Variants in SLC35F1 observed in about 807,000 individuals in gnomAD.
The protein encoded by SLC35F1 is chromosome 6 open reading frame 169.
SLC35F1 carries 14 observed loss-of-function variants against 48.7 expected under a neutral mutation model. The ratio of observed to expected loss-of-function variants is 0.29; its 90% CI spans 0.19 to 0.45. SLC35F1 has a LOEUF of 0.45. SLC35F1 is among the 20% of genes least tolerant of loss of function. The pLI, the probability that SLC35F1 is intolerant of heterozygous loss-of-function variation, is 1.00. For synonymous variants in SLC35F1, 190 were observed against 202.2 expected (o/e 0.94, Z 0.51); for missense variants, 404 against 500.0 (o/e 0.81, Z 1.83).
At chr6:118,135,091 A>T (rs528384268) in intron 1 of SLC35F1, among the ~76,000 whole-genome samples, 1 of 152,314 alleles carries the variant, frequency 6.6e-6, no homozygotes, top group African/African-American at 2.4e-5. Flanking sequence ...CCTCTTTGTT[A>T]TGATCTATAC....
At chr6:118,269,011 G>A (rs72965657) in intron 4 of SLC35F1, among the ~76,000 whole-genome samples, 5,673 of 152,158 alleles carry the variant, frequency 0.037, 145 homozygotes, top group Middle Eastern at 0.13. Context: ...CTATCTTCAT[G>A]AACCCCAGCC....
Position 117,907,694 on chromosome 6 carries a change from T to C in SLC35F1, c.-33T>C, listed in dbSNP as rs773203630. ...CGGCACACGATGCACCCGGCTGCGT[T>C]CTGATCGCCGCCGCGCCTCAGCCTC... On this transcript the variant is annotated 5_prime_UTR_variant, in exon 1 of 8. Coordinates refer to ENST00000360388, the MANE Select transcript of SLC35F1 (RefSeq NM_001029858.4). 6.5e-6 allele frequency: 9 copies of C among 1,384,638 alleles called. No individual in the cohort carries two copies. Among genetic ancestry groups the C allele is most frequent in the Non-Finnish European group, 8.8e-6 (9 of 1,026,110 alleles). 85.8% of individuals were successfully genotyped at this position (1,384,638 alleles called of 1,614,324 possible). A position where few individuals can be genotyped will look rare whatever the true frequency, so the allele number is the denominator to read the frequency against.
chr6:118,204,114 C>A (rs1055929843), intron 2 of SLC35F1, among the ~76,000 whole-genome samples: 3 of 151,014 alleles, frequency 2.0e-5, no homozygotes, highest in Non-Finnish European at 4.4e-5. Flanking sequence ...TGAGATGAGA[C>A]CCAAGACATA....
chr6:118,205,951 A>C (rs1774930530), intron 2 of SLC35F1, among the ~76,000 whole-genome samples: 2 of 152,202 alleles, frequency 1.3e-5, no homozygotes, highest in Admixed American at 6.5e-5. Flanking sequence ...GCAGAGACAG[A>C]AAGTAGAAGA....
chr6:118,040,306 G>A (rs1328768838), intron 1 of SLC35F1, among the ~76,000 whole-genome samples: 1 of 152,116 alleles, frequency 6.6e-6, no homozygotes, highest in East Asian at 1.9e-4. Flanking sequence ...ATATAACTGG[G>A]AAACTAATCC....
At chr6:118,003,858 C>G (rs916396222) in intron 1 of SLC35F1, among the ~76,000 whole-genome samples, 2 of 152,046 alleles carry the variant, frequency 1.3e-5, no homozygotes. Context: ...AAAAAGAAAG[C>G]AGAGTTACTG....
At chr6:118,313,962 T>C (rs1776400547) in intron 7 of SLC35F1, 66 bp from the exon 8 acceptor site, 15 of 1,444,598 alleles carry the variant, frequency 1.0e-5, no homozygotes, top group Non-Finnish European at 1.5e-5. Context: ...TGTTTCTGTG[T>C]GCCTCATTAA....
rs572033556 is a variant in SLC35F1, at chr6:117,973,194, T to G, written c.173+65295T>G. Among the ~76,000 whole-genome samples the G allele has an allele frequency of 1.4e-3, 212 of 152,278 alleles. 1 individual carries two copies. The highest frequency in any genetic ancestry group is 4.9e-3 in the African/African-American group (205 of 41,556). On this transcript the variant is annotated intron_variant, in intron 1 of 7. Coordinates refer to ENST00000360388, the MANE Select transcript of SLC35F1 (RefSeq NM_001029858.4). ...CCTTCTTGCTGTGCTTTCACATGGC[T>G]TTTTCTCTGTACCTATGTGTCCCTA...
chr6:118,248,431 G>A (rs936180992), intron 3 of SLC35F1, among the ~76,000 whole-genome samples: 4 of 152,210 alleles, frequency 2.6e-5, no homozygotes, highest in Non-Finnish European at 4.4e-5. Context: ...TTATGTGGGT[G>A]ACCTCAATGT....
At chr6:118,109,865 C>T (rs1287885777) in intron 1 of SLC35F1, among the ~76,000 whole-genome samples, 2 of 152,174 alleles carry the variant, frequency 1.3e-5, no homozygotes, top group African/African-American at 2.4e-5. Context: ...TTATGGCCAG[C>T]ACTTACCTGT....
chr6:118,192,673 C>T (rs1397979448), intron 2 of SLC35F1, among the ~76,000 whole-genome samples: 1 of 152,086 alleles, frequency 6.6e-6, no homozygotes, highest in Non-Finnish European at 1.5e-5. Context: ...TTTTAGAAAT[C>T]CCATACAATT....
intron 4 of SLC35F1, among the ~76,000 whole-genome samples, chr6:118,270,270 A>G (rs1322084267): frequency 6.6e-6 from 1 of 152,184 alleles, no homozygotes; most frequent in East Asian, 1.9e-4. Context: ...CTATCCAGAA[A>G]TTCTTTGTTT....
chr6:118,017,215 A>C (rs1027127239), intron 1 of SLC35F1, among the ~76,000 whole-genome samples: 5 of 152,190 alleles, frequency 3.3e-5, no homozygotes, highest in African/African-American at 1.2e-4. Flanking sequence ...ATTAGGACTA[A>C]TCCCTGGGGA....
rs1775702518 is a variant in SLC35F1 at position 117,907,513 on chromosome 6, G to C, written c.-214G>C. ...GGCGGCGGCGGCGGCACGGGCGCGA[G>C]GGTGCGCGCACTGGGACTGGAGAGG... On this transcript the variant is annotated 5_prime_UTR_variant, in exon 1 of 8. Transcript: ENST00000360388. The C allele has an allele frequency of 3.5e-6, 1 of 288,972 alleles. No homozygotes were observed. The highest frequency in any genetic ancestry group is 6.3e-6 in the Non-Finnish European group (1 of 158,294). 17.9% of individuals were successfully genotyped at this position (288,972 alleles called of 1,614,324 possible). A position where few individuals can be genotyped will look rare whatever the true frequency, so the allele number is the denominator to read the frequency against.
chr6:118,047,872 T>A (rs192616536), intron 1 of SLC35F1, among the ~76,000 whole-genome samples: 2,616 of 152,220 alleles, frequency 0.017, 75 homozygotes, highest in African/African-American at 0.059. Context: ...ATACCCTTTA[T>A]TTCCTTCTCC....
intron 1 of SLC35F1, among the ~76,000 whole-genome samples, chr6:118,141,379 G>A (rs1431653281): frequency 6.6e-6 from 1 of 151,982 alleles, no homozygotes; most frequent in Non-Finnish European, 1.5e-5. Flanking sequence ...ATACCATCTA[G>A]GTTTGCGTAA....
chr6:118,058,340 A>G (rs1772491131), intron 1 of SLC35F1, among the ~76,000 whole-genome samples: 1 of 152,162 alleles, frequency 6.6e-6, no homozygotes, highest in South Asian at 2.1e-4. Flanking sequence ...TTTGTTTTCA[A>G]TAGAGAGCAC....
chr6:118,020,112 A>G (rs1367462114), intron 1 of SLC35F1, among the ~76,000 whole-genome samples: 2 of 152,222 alleles, frequency 1.3e-5, no homozygotes, highest in African/African-American at 4.8e-5. Context: ...CTAATTCACC[A>G]TAATGTATTT....
intron 2 of SLC35F1, among the ~76,000 whole-genome samples, chr6:118,231,678 G>A (rs1216865306): frequency 2.6e-5 from 4 of 152,184 alleles, no homozygotes; most frequent in Non-Finnish European, 4.4e-5. Context: ...CAGCAGAATG[G>A]CAAGGCAACT....
Sources: gnomAD v4.1 joint callset for allele counts (sites outside exome capture counted in the v4.1 genomes callset) on GRCh38, gnomAD v4.1.1 for gene constraint, MANE v1.5 for transcripts, NCBI Gene and HGNC (gene_info 2026-07-23, HGNC 2026-07-21) for gene names.